PCDHGA4: variants seen among roughly 807,000 people sequenced by gnomAD.
PCDHGA4 encodes the protein protocadherin gamma subfamily A, 4.
A neutral mutation model predicts 54.6 loss-of-function variants in PCDHGA4; 38 were observed. The ratio of observed to expected loss-of-function variants is 0.70; its 90% CI spans 0.54 to 0.91. PCDHGA4 has a LOEUF of 0.91. PCDHGA4 is among the 40% of genes least tolerant of loss of function. The pLI is 0.00. For missense variants in PCDHGA4, 1,298 were observed against 1,220.9 expected (o/e 1.06, Z -0.94); for synonymous variants, 511 against 512.9 (o/e 1.00, Z 0.05).
intron 1 of PCDHGA4, among the ~76,000 whole-genome samples, chr5:141,481,109 A>G (rs959629019): frequency 6.6e-6 from 1 of 152,186 alleles, no homozygotes; most frequent in Non-Finnish European, 1.5e-5. Flanking sequence ...GGAACCTACC[A>G]ATCCATCATT....
chr5:141,367,922 CAACTT>C (rs974333677), intron 1 of PCDHGA4: 11 of 152,168 alleles, frequency 7.2e-5, no homozygotes, highest in East Asian at 1.9e-4. Flanking sequence ...AAAAAGAACT[CAACTT>C]AAAGATGGTT....
intron 1 of PCDHGA4, chr5:141,403,280 G>GT: frequency 6.2e-7 from 1 of 1,613,894 alleles, no homozygotes; most frequent in Non-Finnish European, 8.5e-7. Flanking sequence ...TAAAGTCCTG[G>GT]TTGAAGACAG....
chr5:141,410,712 T>C (rs776042818), intron 1 of PCDHGA4: 2 of 1,437,800 alleles, frequency 1.4e-6, no homozygotes, highest in Non-Finnish European at 1.9e-6. Context: ...TCTAGAATCA[T>C]ATGTTTAAAA....
intron 1 of PCDHGA4, among the ~76,000 whole-genome samples, chr5:141,386,242 G>A (rs1359369432): frequency 1.3e-5 from 2 of 152,146 alleles, no homozygotes; most frequent in Non-Finnish European, 2.9e-5. Flanking sequence ...AATTCAGTTG[G>A]AAATAACCCA....
chr5:141,464,583 C>T (rs768431243), intron 1 of PCDHGA4, among the ~76,000 whole-genome samples: 6 of 152,024 alleles, frequency 3.9e-5, no homozygotes, highest in Admixed American at 2.0e-4. Context: ...TGAGAATGTC[C>T]ATTGTCCCAT....
intron 1 of PCDHGA4, among the ~76,000 whole-genome samples, chr5:141,466,800 C>T (rs189985735): frequency 6.6e-6 from 1 of 152,240 alleles, no homozygotes; most frequent in East Asian, 1.9e-4. Context: ...AAACTAGATC[C>T]TATTCAGACA....
At chr5:141,360,063 A>C in intron 1 of PCDHGA4, 1 of 1,455,012 alleles carries the variant, frequency 6.9e-7, no homozygotes, top group Non-Finnish European at 9.1e-7. Context: ...AGGAAAAGTG[A>C]CCTTAGCCCG....
chr5:141,491,702 T>A lies in PCDHGA4; in HGVS notation c.2515-3105T>A. The A allele has an allele frequency of 6.2e-7, 1 of 1,611,514 alleles. No homozygotes were observed. Among genetic ancestry groups the A allele is most frequent in the Non-Finnish European group, 8.5e-7 (1 of 1,178,984 alleles). ...AATACGCTGCGGGAGCGGAGCCAGG[T>A]GAGGGGCTCGGCGCCGCCCCGGGCG... On this transcript the variant is annotated intron_variant, in intron 1 of 3. Coordinates refer to ENST00000571252, the MANE Select transcript of PCDHGA4 (RefSeq NM_018917.4). The surrounding 1 kb of genome is among the most constrained non-coding windows in gnomAD (Gnocchi z 6.9).
At chr5:141,428,197 G>C in intron 1 of PCDHGA4, 3 of 1,385,972 alleles carry the variant, frequency 2.2e-6, no homozygotes, top group Non-Finnish European at 3.0e-6. Flanking sequence ...CGCTCTCTGC[G>C]CCGCTACGCT....
chr5:141,491,747 G>C lies in PCDHGA4; in HGVS notation c.2515-3060G>C. 6.3e-7 allele frequency: 1 copy of C among 1,591,872 alleles called. No homozygotes were observed. The highest frequency in any genetic ancestry group is 8.5e-7 in the Non-Finnish European group (1 of 1,170,328). ...CGGGCGACCCCTGGGGGCGGCACTG[G>C]AGAAGCCGCCCGTCCTCATAAGGGA... On this transcript the variant is annotated intron_variant, in intron 1 of 3. Transcript: ENST00000571252. This position sits in a 1 kb window ranked among gnomAD's most constrained non-coding sequence, Gnocchi z 6.9.
intron 1 of PCDHGA4, chr5:141,409,843 C>G: frequency 6.2e-7 from 1 of 1,611,804 alleles, no homozygotes; most frequent in Non-Finnish European, 8.5e-7. Context: ...CCAACGTGAG[C>G]CTGCGCGTGT....
intron 1 of PCDHGA4, chr5:141,370,273 C>G: frequency 1.2e-6 from 1 of 809,002 alleles, no homozygotes; most frequent in East Asian, 2.7e-5. Context: ...GCAGCGGAGA[C>G]ACCCATTAGA....
At chr5:141,385,369 G>T in intron 1 of PCDHGA4, 1 of 1,532,174 alleles carries the variant, frequency 6.5e-7, no homozygotes, top group Admixed American at 2.2e-5. Context: ...TTATTTGCAT[G>T]ATATTTCTCT....
rs576464275 is a variant in PCDHGA4, at chr5:141,448,784, CA to C, written c.2515-46012del. ...TGAAACCCCGTCTGTACTAAAAATA[CA>C]AAAAAAAAAATTAGCCAGGCGTGAT... On this transcript the variant is annotated intron_variant, in intron 1 of 3. Coordinates refer to ENST00000571252, the MANE Select transcript of PCDHGA4 (RefSeq NM_018917.4). Among the ~76,000 whole-genome samples, 323 of 145,522 alleles carry C rather than the reference CA, an allele frequency of 2.2e-3. 2 individuals are homozygous for C. The highest frequency in any genetic ancestry group is 5.9e-3 in the African/African-American group (238 of 40,012).
chr5:141,509,024 C>T (rs2099873840), intron 3 of PCDHGA4, among the ~76,000 whole-genome samples: 1 of 152,108 alleles, frequency 6.6e-6, no homozygotes, highest in African/African-American at 2.4e-5. Flanking sequence ...GCTGCTCCCT[C>T]CCACTCAACC....
At chr5:141,389,433 G>C in intron 1 of PCDHGA4, 1 of 1,610,628 alleles carries the variant, frequency 6.2e-7, no homozygotes, top group Non-Finnish European at 8.5e-7. Context: ...CGCGCAGCGC[G>C]CCTTCGACCA....
chr5:141,370,383 G>T, intron 1 of PCDHGA4: 2 of 1,533,714 alleles, frequency 1.3e-6, no homozygotes, highest in African/African-American at 1.4e-5. Flanking sequence ...AGGCAAAGGC[G>T]CAGAGAGCGG....
chr5:141,355,193 G>C lies in PCDHGA4; in HGVS notation c.86G>C (p.Gly29Ala), dbSNP rs1759749464. The C allele has an allele frequency of 3.2e-5, 51 of 1,594,318 alleles. No homozygotes were observed. In the East Asian group the frequency reaches 1.1e-3, roughly 36 times the overall value. Residue 29 changes from glycine (G) to alanine (A), a missense_variant, in exon 1 of 4, where the codon GGG (glycine) becomes GCG (alanine). Transcript: ENST00000571252. ...GKPKHRRLRG[G>A]VVMAAPPARP... ...CCGAAGCACAGGCGACTCCGCGGCG[G>C]GGTTGTAATGGCGGCGCCTCCTGCT... is the stretch of plus-strand genomic sequence containing the variant.
At chr5:141,445,768 T>A (rs2098476928) in intron 1 of PCDHGA4, among the ~76,000 whole-genome samples, 1 of 152,074 alleles carries the variant, frequency 6.6e-6, no homozygotes, top group Admixed American at 6.6e-5. Context: ...CTCAAGCAAT[T>A]TAAAAGGGCT....
Sources: allele counts gnomAD v4.1 joint callset (sites outside exome capture counted in the v4.1 genomes callset), GRCh38; gene constraint gnomAD v4.1.1; non-coding constraint Gnocchi (gnomAD v3.1); transcripts MANE v1.5; gene names NCBI Gene and HGNC (gene_info 2026-07-23, HGNC 2026-07-21).